Variants in TRIM35 observed in about 807,000 individuals in gnomAD.
The protein encoded by TRIM35 is tripartite motif containing 35, also known as E3 ubiquitin-protein ligase TRIM35.
TRIM35 carries 37 observed loss-of-function variants against 49.1 expected under a neutral mutation model. The observed-to-expected ratio is 0.75, with a 90% CI of 0.58 to 0.99. The LOEUF is 0.99. Ranked by LOEUF, TRIM35 falls within the 50% of genes least tolerant of loss-of-function variation. The probability of loss-of-function intolerance (pLI) is 0.00; values close to 1 mark genes in which losing one functional copy is unlikely to be tolerated. For missense variants in TRIM35, 648 were observed against 702.7 expected (o/e 0.92, Z 0.88); for synonymous variants, 302 against 289.3 (o/e 1.04, Z -0.45).
chr8:27,289,156 G>C lies in TRIM35; in HGVS notation c.904+6C>G. On this transcript the variant is annotated splice_donor_region_variant and intron_variant, in intron 5 of 5. Transcript: ENST00000305364. ...GCTTGGGACACCTGCCGGCACCCCC[G>C]CTCACCAGATTCCACAGATGCAAGC... The C allele has an allele frequency of 6.2e-7, 1 of 1,611,848 alleles. No homozygotes were observed. Among genetic ancestry groups the C allele is most frequent in the Non-Finnish European group, 8.5e-7 (1 of 1,178,232 alleles).
chr8:27,304,239 T>C (rs1017649230), intron 1 of TRIM35, among the ~76,000 whole-genome samples: 24 of 152,234 alleles, frequency 1.6e-4, no homozygotes, highest in African/African-American at 5.1e-4. Context: ...AGGGAAAGAA[T>C]GAATTTCATT....
intron 3 of TRIM35, among the ~76,000 whole-genome samples, chr8:27,291,007 G>A (rs117170061): frequency 0.016 from 2,341 of 146,924 alleles, 32 homozygotes; most frequent in Middle Eastern, 0.029. Context: ...TGATTTAATG[G>A]AGGAATAGTC....
chr8:27,307,243 C>A (rs1802804861), intron 1 of TRIM35, among the ~76,000 whole-genome samples: 1 of 152,094 alleles, frequency 6.6e-6, no homozygotes, highest in Non-Finnish European at 1.5e-5. Flanking sequence ...CTAAGCAGGG[C>A]CCTCTGTGTC....
chr8:27,294,491 G>T (rs1381569460), intron 2 of TRIM35, among the ~76,000 whole-genome samples, 181 bp from the exon 3 acceptor site: 1 of 152,140 alleles, frequency 6.6e-6, no homozygotes, highest in Admixed American at 6.5e-5. Flanking sequence ...ATTTCAAATG[G>T]GAAAGTCCAA....
chr8:27,307,020 A>G (rs1339507929), intron 1 of TRIM35, among the ~76,000 whole-genome samples: 3 of 152,236 alleles, frequency 2.0e-5, no homozygotes, highest in Admixed American at 1.3e-4. Context: ...CATGTAAATA[A>G]TAACATAATT....
chr8:27,306,309 C>T (rs985035178), intron 1 of TRIM35, among the ~76,000 whole-genome samples: 2 of 150,240 alleles, frequency 1.3e-5, no homozygotes, highest in African/African-American at 4.9e-5. Context: ...CATCAGCATT[C>T]GTATTTTCTT....
Position 27,287,785 on chromosome 8 carries a change from G to C in TRIM35, c.1247C>G (p.Ala416Gly). Residue 416 changes from alanine (A) to glycine (G), a missense_variant, in exon 6 of 6, where the codon GCC becomes GGC. By Grantham distance (60) the Ala-to-Gly change is moderately conservative. Coordinates refer to ENST00000305364, the MANE Select transcript of TRIM35 (RefSeq NM_171982.5). This position sits in a 1 kb window ranked among gnomAD's most constrained non-coding sequence, Gnocchi z 6.0. ...EGDHCVTSDP[A>G]TSPLVLAIPR... ...GATGGCCAGGACCAGGGGCGACGTG[G>C]CTGGGTCCGAGGTCACGCAGTGGTC... is the stretch of plus-strand genomic sequence containing the variant. The C allele has an allele frequency of 6.2e-7, 1 of 1,610,260 alleles. No individual in the cohort carries two copies. Among genetic ancestry groups the C allele is most frequent in the Non-Finnish European group, 8.5e-7 (1 of 1,178,680 alleles).
At position 27,309,534 on chromosome 8, in the gene TRIM35, G is replaced by A. The variant is rs951513815; in HGVS notation, c.435+1267C>T. Among the ~76,000 whole-genome samples the A allele has an allele frequency of 2.0e-5, 3 of 152,264 alleles. No homozygotes were observed. The South Asian group carries it at 6.2e-4, about 32-fold the overall frequency. ...AAAAAAGAAGGCAGGGCCACAGAGG[G>A]GGCCAGAAACCAGGCACAGGGGACT... is the stretch of plus-strand genomic sequence containing the variant. On this transcript the variant is annotated intron_variant, in intron 1 of 5. Transcript: ENST00000305364.
At chr8:27,306,339 T>TC (rs1291186929) in intron 1 of TRIM35, among the ~76,000 whole-genome samples, 8 of 151,506 alleles carry the variant, frequency 5.3e-5, no homozygotes, top group African/African-American at 1.9e-4. Context: ...CTTTTTTTTT[T>TC]TTTTGAGACA....
rs1412873788 is a variant in TRIM35 at position 27,285,539 on chromosome 8, A to T, written c.*2011T>A. 3.3e-5 allele frequency: 5 copies of T among 152,200 alleles called. No homozygotes were observed. Among genetic ancestry groups the T allele is most frequent in the African/African-American group, 1.2e-4 (5 of 41,444 alleles). The allele number at this position is 152,200 out of a possible 1,614,324, so 9.4% of individuals were successfully genotyped here. ...GGAATATTACCCGATGAAAAAATAAAGTTGAACACATGCTACAACATGGAT... is the reference window on the plus strand; with the variant it reads ...GGAATATTACCCGATGAAAAAATAATGTTGAACACATGCTACAACATGGAT... On this transcript the variant is annotated 3_prime_UTR_variant, in exon 6 of 6. Transcript: ENST00000305364.
rs527657909 is a variant in TRIM35 at position 27,308,104 on chromosome 8, G to T, written c.435+2697C>A. Among the ~76,000 whole-genome samples the T allele has an allele frequency of 1.4e-4, 22 of 152,214 alleles. 1 individual carries two copies. The South Asian group carries it at 4.6e-3, about 32-fold the overall frequency. On this transcript the variant is annotated intron_variant, in intron 1 of 5. Coordinates refer to ENST00000305364, the MANE Select transcript of TRIM35 (RefSeq NM_171982.5). ...AAGGGGCCTCTGCAAGCTGGAGAAG[G>T]CAAGGAAATAAATTCTCCCTGGAGC...
At chr8:27,295,203 A>T (rs1802540546) in intron 2 of TRIM35, among the ~76,000 whole-genome samples, 1 of 152,224 alleles carries the variant, frequency 6.6e-6, no homozygotes, top group Non-Finnish European at 1.5e-5. Flanking sequence ...CTCAGCTTGG[A>T]ATAAGAAAGA....
At chr8:27,295,594 T>A (rs1420940962) in intron 2 of TRIM35, among the ~76,000 whole-genome samples, 2 of 152,214 alleles carry the variant, frequency 1.3e-5, no homozygotes, top group African/African-American at 2.4e-5. Context: ...TTGGGCAGAA[T>A]CATCCAACAC....
intron 3 of TRIM35, among the ~76,000 whole-genome samples, chr8:27,293,765 G>T (rs778766870): frequency 6.6e-6 from 1 of 151,916 alleles, no homozygotes; most frequent in African/African-American, 2.4e-5. Flanking sequence ...AAGGAGAGAG[G>T]ATCACTTGAG....
At chr8:27,289,127 C>A in intron 5 of TRIM35, 35 bp downstream of exon 5, 1 of 1,578,268 alleles carries the variant, frequency 6.3e-7, no homozygotes. Flanking sequence ...GGGCTTCCAC[C>A]CATGCTTGGG....
chr8:27,304,661 GT>G (rs1802746789), intron 1 of TRIM35: 1 of 357,258 alleles, frequency 2.8e-6, no homozygotes, highest in East Asian at 7.8e-5. Context: ...ACTTTGTTTT[GT>G]CCCCTGCATG....
chr8:27,294,210 T>C lies in TRIM35; in HGVS notation c.632A>G (p.Glu211Gly), dbSNP rs1802517648. The change falls in exon 3 of 6, where the codon GAG becomes GGG. Residue 211 changes from glutamate (E) to glycine (G), a missense_variant. By Grantham distance (98) the Glu-to-Gly change is moderately conservative. Transcript: ENST00000305364. ...EEQAILDAMA[E>G]ETRQKQLLAD... is the part of the protein sequence containing the mutation. ...CAGAAGTTGCTTCTGCCTTGTCTCC[T>C]CGGCCATGGCATCCAGAATGGCCTG... The C allele has an allele frequency of 8.7e-6, 14 of 1,614,220 alleles. No homozygotes were observed. Among genetic ancestry groups the C allele is most frequent in the Non-Finnish European group, 1.1e-5 (13 of 1,180,040 alleles).
At chr8:27,304,997 A>G (rs1802755607) in intron 1 of TRIM35, 1 of 358,296 alleles carries the variant, frequency 2.8e-6, no homozygotes, top group Admixed American at 3.9e-5. Flanking sequence ...CAGCACCTCT[A>G]CCTAGTAGCA....
chr8:27,295,266 C>A (rs1327853660), intron 2 of TRIM35, among the ~76,000 whole-genome samples: 3 of 152,184 alleles, frequency 2.0e-5, no homozygotes, highest in Non-Finnish European at 4.4e-5. Context: ...AATGAGATAA[C>A]TGAATACACA....
Sources: gnomAD v4.1 joint callset for allele counts (sites outside exome capture counted in the v4.1 genomes callset) on GRCh38, gnomAD v4.1.1 for gene constraint, Gnocchi (gnomAD v3.1) non-coding constraint, MANE v1.5 for transcripts, NCBI Gene and HGNC (gene_info 2026-07-23, HGNC 2026-07-21) for gene names.